The following CDH3 variants were observed in gnomAD, a reference collection of about 807,000 sequenced individuals.
CDH3 encodes cadherin 3, also known as cadherin-3.
CDH3 carries 54 observed loss-of-function variants against 82.0 expected under a neutral mutation model. The ratio of observed to expected loss-of-function variants is 0.66; its 90% CI spans 0.53 to 0.83. CDH3 has a LOEUF of 0.83. Ranked by LOEUF, CDH3 falls within the 40% of genes least tolerant of loss-of-function variation. CDH3 has a pLI of 0.00. For synonymous variants in CDH3, 446 were observed against 437.9 expected (o/e 1.02, Z -0.23); for missense variants, 1,054 against 1,084.6 (o/e 0.97, Z 0.40).
intron 3 of CDH3, among the ~76,000 whole-genome samples, chr16:68,676,830 C>G (rs552304382): frequency 6.6e-6 from 1 of 152,298 alleles, no homozygotes; most frequent in East Asian, 1.9e-4. Flanking sequence ...GCCTGCCAAT[C>G]CCATGAGCCT....
chr16:68,705,330 C>A (rs574234387), intron 1 of CDH3, among the ~76,000 whole-genome samples: 2 of 152,172 alleles, frequency 1.3e-5, no homozygotes, highest in Non-Finnish European at 2.9e-5. Flanking sequence ...GCATTCCCAG[C>A]CACTTCTGGG....
chr16:68,663,838 T>TAA (rs1960664115), intron 2 of CDH3, among the ~76,000 whole-genome samples: 1 of 152,122 alleles, frequency 6.6e-6, no homozygotes, highest in Non-Finnish European at 1.5e-5. Context: ...TATTATACTT[T>TAA]AAGTTTTAGG....
intron 2 of CDH3, among the ~76,000 whole-genome samples, chr16:68,660,952 G>A (rs1019744720): frequency 2.1e-5 from 3 of 143,888 alleles, no homozygotes; most frequent in African/African-American, 7.9e-5. Flanking sequence ...GGGCAACAGA[G>A]CAAGACTCCG....
chr16:68,687,733 G>T lies in CDH3; in HGVS notation c.1792G>T (p.Glu598Ter). 6.2e-7 allele frequency: 1 copy of T among 1,612,448 alleles called. No individual in the cohort carries two copies. Residue 598 changes from glutamate (E) to a stop codon, truncating the protein, a stop_gained, in exon 12 of 16, where the codon GAA becomes TAA. Transcript: ENST00000264012. LOFTEE classifies it high-confidence loss of function. ...CTACTGGACGGCAGAGGTCAACGAG[G>T]AAGGTACCTGAGTGAGTGGTGGTAG... ...DIYWTAEVNEEGDTVVLSLKK... is the reference protein window; with the variant it reads ...DIYWTAEVNE
At chr16:68,658,696 C>T (rs1485725027) in intron 2 of CDH3, among the ~76,000 whole-genome samples, 1 of 152,102 alleles carries the variant, frequency 6.6e-6, no homozygotes, top group African/African-American at 2.4e-5. Flanking sequence ...TGTAGAGTCG[C>T]TTCATCCAGG....
chr16:68,719,463 C>T (rs561944969), intron 1 of CDH3, among the ~76,000 whole-genome samples: 98 of 145,758 alleles, frequency 6.7e-4, no homozygotes, highest in Non-Finnish European at 1.2e-3. Context: ...TGGTCATCTA[C>T]AAGGGCACAG....
At chr16:68,684,082 A>AG (rs1961322880) in intron 9 of CDH3, among the ~76,000 whole-genome samples, 1 of 151,000 alleles carries the variant, frequency 6.6e-6, no homozygotes, top group Non-Finnish European at 1.5e-5. Flanking sequence ...AAAAAAAAAA[A>AG]AAGCTGGGTG....
intron 11 of CDH3, among the ~76,000 whole-genome samples, chr16:68,685,923 T>G (rs1961398996): frequency 6.6e-6 from 1 of 152,154 alleles, no homozygotes; most frequent in African/African-American, 2.4e-5. Flanking sequence ...GCTAGCACTT[T>G]GAGAGGCCTA....
chr16:68,665,909 G>A (rs377232765), intron 2 of CDH3, among the ~76,000 whole-genome samples: 1 of 152,170 alleles, frequency 6.6e-6, no homozygotes, highest in East Asian at 1.9e-4. Flanking sequence ...TTCTAGTCGG[G>A]GGAAAAACTC....
In CDH3 at chr16:68,699,996, G is replaced by A. The variant is rs1961864907; in HGVS notation, c.*1596G>A. The A allele has an allele frequency of 6.6e-6, 1 of 152,156 alleles. No individual in the cohort carries two copies. Among genetic ancestry groups the A allele is most frequent in the Non-Finnish European group, 1.5e-5 (1 of 68,030 alleles). The allele number at this position is 152,156 out of a possible 1,614,324, so 9.4% of individuals were successfully genotyped here. ...AATCCTCACAATCACCCTCTGAGGG[G>A]ACTTTCTCCTTTAAAGAATGGCCAC... On this transcript the variant is annotated 3_prime_UTR_variant, in exon 16 of 16. Coordinates refer to ENST00000264012, the MANE Select transcript of CDH3 (RefSeq NM_001793.6).
chr16:68,678,491 T>C lies in CDH3; in HGVS notation c.391-10T>C, dbSNP rs368673660. The C allele has an allele frequency of 3.2e-5, 52 of 1,614,122 alleles. No homozygotes were observed. In the African/African-American group the frequency reaches 5.5e-4, roughly 17 times the overall value. On this transcript the variant is annotated splice_polypyrimidine_tract_variant and intron_variant, in intron 4 of 15. Coordinates refer to ENST00000264012, the MANE Select transcript of CDH3 (RefSeq NM_001793.6). ...TTACTTTGTCAGCTGCCATTTTCTT[T>C]TCCCTCCAGCTCAAGTCTAATAAAG...
chr16:68,654,713 A>C (rs12923041), intron 2 of CDH3, among the ~76,000 whole-genome samples: 1 of 91,128 alleles, frequency 1.1e-5, no homozygotes, highest in Non-Finnish European at 2.3e-5. Context: ...AAAAAAAAAA[A>C]ATATATATAT....
chr16:68,650,978 C>G (rs1960226385), intron 2 of CDH3: 1 of 250,240 alleles, frequency 4.0e-6, no homozygotes, highest in Non-Finnish European at 8.0e-6. Flanking sequence ...TAGAAAAACA[C>G]CAAAACCCAG....
chr16:68,676,618 CTTGGGTG>C, intron 3 of CDH3, 148 bp downstream of exon 3: 1 of 708,490 alleles, frequency 1.4e-6, no homozygotes, highest in Non-Finnish European at 2.6e-6. Context: ...CTGTCCACAG[CTTGGGTG>C]TGAGCACTGA....
chr16:68,682,900 T>G (rs1349157215), intron 9 of CDH3, among the ~76,000 whole-genome samples: 1 of 152,150 alleles, frequency 6.6e-6, no homozygotes, highest in African/African-American at 2.4e-5. Flanking sequence ...AAAGTCTCTT[T>G]TTTGTGTGTA....
chr16:68,726,391 C>G (rs184300744), intron 2 of CDH3, among the ~76,000 whole-genome samples: 5 of 152,030 alleles, frequency 3.3e-5, no homozygotes, highest in Non-Finnish European at 7.4e-5. Flanking sequence ...TTGGCTGCCC[C>G]GGAGTCTGGA....
chr16:68,680,628 A>C (rs1454322892), intron 7 of CDH3, among the ~76,000 whole-genome samples: 1 of 152,202 alleles, frequency 6.6e-6, no homozygotes, highest in African/African-American at 2.4e-5. Context: ...GCAGTGAGCC[A>C]AGATCACGCC....
At chr16:68,662,864 G>GTT (rs144098456) in intron 2 of CDH3, among the ~76,000 whole-genome samples, 69 of 67,806 alleles carry the variant, frequency 1.0e-3, no homozygotes, top group African/African-American at 1.3e-3. Context: ...ATTTTTTAAA[G>GTT]TTTTTTTTTT....
intron 13 of CDH3, among the ~76,000 whole-genome samples, chr16:68,693,828 C>G (rs928490221): frequency 6.6e-6 from 1 of 152,176 alleles, no homozygotes; most frequent in African/African-American, 2.4e-5. Flanking sequence ...AGAGGGTCCC[C>G]TCTTAATACA....
Sources: gnomAD v4.1 joint callset for allele counts (sites outside exome capture counted in the v4.1 genomes callset) on GRCh38, gnomAD v4.1.1 for gene constraint, MANE v1.5 for transcripts, NCBI Gene and HGNC (gene_info 2026-07-23, HGNC 2026-07-21) for gene names.